PPP1R21: variants seen among roughly 807,000 people sequenced by gnomAD.
PPP1R21 encodes the protein KLRAQ motif containing 1.
Under a neutral mutation model 112.8 loss-of-function variants are expected in PPP1R21, and 85 were observed. That is an observed-to-expected ratio of 0.75 (90% CI 0.63 to 0.90). PPP1R21 has a LOEUF of 0.90. PPP1R21 is among the 40% of genes least tolerant of loss of function. PPP1R21 has a pLI of 0.00. For missense variants in PPP1R21, 1,199 were observed against 901.5 expected (o/e 1.33, Z -4.23); for synonymous variants, 381 against 322.3 (o/e 1.18, Z -1.95).
At chr2:48,497,354 G>A (rs1325439061) in intron 16 of PPP1R21, among the ~76,000 whole-genome samples, 1 of 152,188 alleles carries the variant, frequency 6.6e-6, no homozygotes, top group Admixed American at 6.5e-5. Context: ...GTTTTTCATA[G>A]CAAAGGTTTA....
At chr2:48,510,431 G>T (rs4953587) in intron 20 of PPP1R21, among the ~76,000 whole-genome samples, 127,381 of 152,260 alleles carry the variant, frequency 0.84, 54,458 homozygotes, top group African/African-American at 0.95. Context: ...TCTGTACATA[G>T]TACTCTGTTC....
In PPP1R21 at chr2:48,486,120, C is replaced by G. The variant is rs546510378; in HGVS notation, c.1319-511C>G. ...CATAGGAAGTCAGGCACTGGGGCGT[C>G]CAATCCGTATTTGGCTGTGCAGATA... On this transcript the variant is annotated intron_variant, in intron 13 of 21. Coordinates refer to ENST00000294952, the MANE Select transcript of PPP1R21 (RefSeq NM_001135629.3). 1.5e-3 allele frequency among the ~76,000 whole-genome samples: 234 copies of G among 152,024 alleles called. 8 individuals carry two copies. The South Asian group carries it at 0.046, about 30-fold the overall frequency.
intron 12 of PPP1R21, 133 bp from the exon 13 acceptor site, chr2:48,479,791 C>A (rs781206119): frequency 7.5e-6 from 5 of 669,612 alleles, no homozygotes; most frequent in Non-Finnish European, 1.1e-5. Context: ...AATGTATCTG[C>A]CACGATTTTA....
intron 9 of PPP1R21, among the ~76,000 whole-genome samples, chr2:48,468,223 A>C (rs1325807059): frequency 6.6e-6 from 1 of 152,232 alleles, no homozygotes; most frequent in Non-Finnish European, 1.5e-5. Context: ...AAGATAATAC[A>C]TGTAAAGCAC....
intron 14 of PPP1R21, among the ~76,000 whole-genome samples, chr2:48,489,718 T>C (rs1669470588): frequency 6.6e-6 from 1 of 151,956 alleles, no homozygotes; most frequent in Non-Finnish European, 1.5e-5. Context: ...GAGACCAGCC[T>C]GGCCAACATG....
chr2:48,485,163 C>G (rs1381178008), intron 13 of PPP1R21, among the ~76,000 whole-genome samples: 2 of 152,122 alleles, frequency 1.3e-5, no homozygotes, highest in Non-Finnish European at 2.9e-5. Flanking sequence ...TTCGACCCAG[C>G]AATACCCACT....
intron 12 of PPP1R21, chr2:48,479,597 G>A (rs1169376534): frequency 1.9e-6 from 1 of 525,854 alleles, no homozygotes; most frequent in Non-Finnish European, 3.8e-6. Flanking sequence ...AATGTGTAGG[G>A]AATGAAAAAT....
chr2:48,447,293 A>G (rs1667290517), intron 1 of PPP1R21, among the ~76,000 whole-genome samples: 1 of 152,168 alleles, frequency 6.6e-6, no homozygotes. Context: ...GGCCAAAGTG[A>G]AGAAGGGCTG....
Position 48,498,718 on chromosome 2 carries a change from A to G in PPP1R21, c.1918A>G (p.Ile640Val), listed in dbSNP as rs775279257. 2 of 1,614,094 alleles carry G rather than the reference A, an allele frequency of 1.2e-6. No homozygotes were observed. The highest frequency in any genetic ancestry group is 2.7e-5 in the African/African-American group (2 of 74,942). The change falls in exon 17 of 22, where the codon ATT becomes GTT. Residue 640 changes from isoleucine (I) to valine (V), a missense_variant. Physicochemically the swap from Ile to Val is conservative, Grantham distance 29. Coordinates refer to ENST00000294952, the MANE Select transcript of PPP1R21 (RefSeq NM_001135629.3). ...EATAKAVLEP[I>V]QSTSLIGTLT... ...CACAGCTAAGGCTGTGTTGGAGCCC[A>G]TTCAGAGCACCAGTCTAGTAAGTGT...
At chr2:48,484,754 G>C (rs932330166) in intron 13 of PPP1R21, among the ~76,000 whole-genome samples, 4 of 152,116 alleles carry the variant, frequency 2.6e-5, no homozygotes, top group African/African-American at 9.7e-5. Context: ...GGCCTCCAGT[G>C]ATCTGCCCAC....
intron 14 of PPP1R21, among the ~76,000 whole-genome samples, chr2:48,489,345 T>C (rs1669451105): frequency 1.3e-5 from 2 of 148,688 alleles, no homozygotes; most frequent in South Asian, 2.2e-4. Flanking sequence ...TCTACAAAAT[T>C]AAAAAATCAG....
At chr2:48,501,464 C>T (rs1670109114) in intron 17 of PPP1R21, among the ~76,000 whole-genome samples, 2 of 152,160 alleles carry the variant, frequency 1.3e-5, no homozygotes, top group Non-Finnish European at 2.9e-5. Flanking sequence ...GTCAGTCAGT[C>T]CTCACACAGG....
At chr2:48,484,658 A>C (rs1256155153) in intron 13 of PPP1R21, among the ~76,000 whole-genome samples, 8 of 152,092 alleles carry the variant, frequency 5.3e-5, no homozygotes, top group Admixed American at 5.2e-4. Flanking sequence ...CTGGGATTAC[A>C]GGCACATGCC....
At chr2:48,489,641 A>G (rs1386910613) in intron 14 of PPP1R21, among the ~76,000 whole-genome samples, 1 of 151,990 alleles carries the variant, frequency 6.6e-6, no homozygotes, top group African/African-American at 2.4e-5. Flanking sequence ...CACCTGGCTT[A>G]TCAAAGGATT....
chr2:48,444,879 G>C (rs62137051), intron 1 of PPP1R21, among the ~76,000 whole-genome samples: 1 of 150,402 alleles, frequency 6.6e-6, no homozygotes, highest in Non-Finnish European at 1.5e-5. Flanking sequence ...TTTTTTTTGG[G>C]ACAGTGGATG....
intron 9 of PPP1R21, among the ~76,000 whole-genome samples, chr2:48,467,089 A>G (rs1233601587): frequency 1.3e-5 from 2 of 152,172 alleles, no homozygotes; most frequent in African/African-American, 2.4e-5. Context: ...GAGTAAAACA[A>G]CCTGTGTGGT....
In PPP1R21 at chr2:48,491,182, G is replaced by A; in HGVS notation, c.1599+12G>A. The A allele has an allele frequency of 6.2e-7, 1 of 1,606,252 alleles. No individual in the cohort carries two copies. The highest frequency in any genetic ancestry group is 8.5e-7 in the Non-Finnish European group (1 of 1,177,548). ...AGTCTTTGAGAAAGGTTTGTTAGCT[G>A]CTGTTAATATTTAAATCAGAGGAAA... On this transcript the variant is annotated intron_variant, in intron 15 of 21. Coordinates refer to ENST00000294952, the MANE Select transcript of PPP1R21 (RefSeq NM_001135629.3).
intron 16 of PPP1R21, among the ~76,000 whole-genome samples, chr2:48,497,964 A>G (rs530663500): frequency 2.6e-4 from 39 of 152,244 alleles, no homozygotes; most frequent in African/African-American, 8.7e-4. Flanking sequence ...ACCAACCTAT[A>G]GTTCTAATTG....
At chr2:48,483,767 C>G (rs1374887653) in intron 13 of PPP1R21, among the ~76,000 whole-genome samples, 1 of 152,106 alleles carries the variant, frequency 6.6e-6, no homozygotes, top group Non-Finnish European at 1.5e-5. Context: ...AAATGCTAAT[C>G]CACCATGTAA....
Sources: allele counts gnomAD v4.1 joint callset (sites outside exome capture counted in the v4.1 genomes callset), GRCh38; gene constraint gnomAD v4.1.1; transcripts MANE v1.5; gene names NCBI Gene and HGNC (gene_info 2026-07-23, HGNC 2026-07-21).